Variants in COMMD1 observed in about 807,000 individuals in gnomAD.
The protein encoded by COMMD1 is copper metabolism domain containing 1, also known as COMM domain-containing protein 1.
A neutral mutation model predicts 17.2 loss-of-function variants in COMMD1; 10 were observed. The ratio of observed to expected loss-of-function variants is 0.58; its 90% CI spans 0.36 to 0.99. The LOEUF (loss-of-function observed/expected upper bound fraction) is 0.99, where lower values mean the gene tolerates loss of function less well. Ranked by LOEUF, COMMD1 falls within the 50% of genes least tolerant of loss-of-function variation. COMMD1 has a pLI of 0.01. For synonymous variants in COMMD1, 97 were observed against 91.6 expected (o/e 1.06, Z -0.34); for missense variants, 270 against 231.8 (o/e 1.17, Z -1.07).
intron 2 of COMMD1, among the ~76,000 whole-genome samples, chr2:62,031,653 A>T (rs960340134): frequency 1.3e-5 from 2 of 152,214 alleles, no homozygotes; most frequent in African/African-American, 2.4e-5. Context: ...TGTTTATGTT[A>T]AAGTAAATTT....
At chr2:61,896,345 G>A (rs532221526) in intron 1 of COMMD1, among the ~76,000 whole-genome samples, 68 of 152,226 alleles carry the variant, frequency 4.5e-4, no homozygotes, top group Middle Eastern at 3.4e-3. Flanking sequence ...CAGCACTTTG[G>A]GAGGCTGAGG....
intron 2 of COMMD1, among the ~76,000 whole-genome samples, chr2:62,033,081 T>G (rs1669952701): frequency 6.6e-6 from 1 of 152,206 alleles, no homozygotes; most frequent in African/African-American, 2.4e-5. Flanking sequence ...GTTTAGCTTC[T>G]TTAAAACAGA....
chr2:61,962,378 C>G (rs1373510765), intron 1 of COMMD1, among the ~76,000 whole-genome samples: 2 of 152,064 alleles, frequency 1.3e-5, no homozygotes, highest in African/African-American at 4.8e-5. Flanking sequence ...TGACACTAGG[C>G]CCCTCAGATC....
chr2:62,062,473 T>C (rs1374796944), intron 2 of COMMD1, among the ~76,000 whole-genome samples: 1 of 151,872 alleles, frequency 6.6e-6, no homozygotes, highest in Non-Finnish European at 1.5e-5. Flanking sequence ...GGTGATCCAC[T>C]CAGCTCGGCC....
At chr2:61,993,989 CTTCTTTCT>C (rs953377911) in intron 1 of COMMD1, among the ~76,000 whole-genome samples, 1 of 150,028 alleles carries the variant, frequency 6.7e-6, no homozygotes, top group Non-Finnish European at 1.5e-5. Flanking sequence ...TCCTTCTTTC[CTTCTTTCT>C]TTCTTTCTTG....
At chr2:61,958,894 T>C (rs1178625259) in intron 1 of COMMD1, among the ~76,000 whole-genome samples, 2 of 152,222 alleles carry the variant, frequency 1.3e-5, no homozygotes, top group Non-Finnish European at 2.9e-5. Context: ...GTTCGTGCTT[T>C]TGTACAGTTT....
intron 2 of COMMD1, among the ~76,000 whole-genome samples, chr2:62,107,028 G>A (rs1672341001): frequency 6.6e-6 from 1 of 152,058 alleles, no homozygotes; most frequent in South Asian, 2.1e-4. Context: ...TGGTCTTCCT[G>A]CTTCTGATCT....
intron 1 of COMMD1, among the ~76,000 whole-genome samples, chr2:61,935,390 A>ACCC (rs1670578204): frequency 6.6e-6 from 1 of 152,146 alleles, no homozygotes; most frequent in South Asian, 2.1e-4. Context: ...GCACTTTGGG[A>ACCC]GGCTGAGGCG....
chr2:62,102,606 T>C (rs563324597), intron 2 of COMMD1, among the ~76,000 whole-genome samples: 102 of 152,270 alleles, frequency 6.7e-4, no homozygotes, highest in Non-Finnish European at 1.0e-3. Flanking sequence ...CTCTCCTGTC[T>C]CTCAGTCTCA....
upstream of COMMD1, among the ~76,000 whole-genome samples, chr2:61,904,114 C>T (rs1206842913): frequency 1.3e-5 from 2 of 151,450 alleles, no homozygotes; most frequent in African/African-American, 4.9e-5. Flanking sequence ...AGGTTCATGC[C>T]ATTCTCCTGC....
At chr2:61,910,409 A>G (rs1669874940) in intron 1 of COMMD1, among the ~76,000 whole-genome samples, 1 of 151,832 alleles carries the variant, frequency 6.6e-6, no homozygotes, top group Admixed American at 6.6e-5. Context: ...CACCACACCC[A>G]GCTAATTTTT....
chr2:62,022,040 G>C (rs532804617), intron 2 of COMMD1, among the ~76,000 whole-genome samples: 10 of 152,026 alleles, frequency 6.6e-5, no homozygotes, highest in Non-Finnish European at 1.0e-4. Context: ...AGAATCCATT[G>C]CCAAATCTGA....
At chr2:62,039,430 T>C (rs1016770412) in intron 2 of COMMD1, among the ~76,000 whole-genome samples, 4 of 152,150 alleles carry the variant, frequency 2.6e-5, no homozygotes, top group Admixed American at 2.6e-4. Flanking sequence ...CTTTGAGGAG[T>C]TGATTAGCAA....
upstream of COMMD1, among the ~76,000 whole-genome samples, chr2:61,901,034 C>T (rs940273700): frequency 2.0e-5 from 3 of 152,044 alleles, no homozygotes; most frequent in African/African-American, 4.8e-5. Context: ...GCAACCTCCA[C>T]CTCCTGGGTT....
At chr2:61,900,512 T>C (rs1287463416) in intron 1 of COMMD1, among the ~76,000 whole-genome samples, 1 of 152,248 alleles carries the variant, frequency 6.6e-6, no homozygotes, top group Non-Finnish European at 1.5e-5. Flanking sequence ...GGTCTTTCTA[T>C]AATTTGGTAT....
At chr2:61,990,899 T>TAC (rs1229251159) in intron 1 of COMMD1, among the ~76,000 whole-genome samples, 1 of 69,294 alleles carries the variant, frequency 1.4e-5, no homozygotes, top group South Asian at 6.4e-4. Flanking sequence ...AAAATATATA[T>TAC]ATATACACAC....
intron 1 of COMMD1, among the ~76,000 whole-genome samples, chr2:61,914,795 A>G (rs911075520): frequency 6.6e-6 from 1 of 151,064 alleles, no homozygotes. Flanking sequence ...GGTTCAAGCG[A>G]TTCTCGTGTC....
intron 2 of COMMD1, among the ~76,000 whole-genome samples, chr2:62,082,178 C>T (rs1004972334): frequency 6.6e-6 from 1 of 152,164 alleles, no homozygotes; most frequent in Non-Finnish European, 1.5e-5. Context: ...GTATACATTT[C>T]TGATTTGTGA....
intron 2 of COMMD1, among the ~76,000 whole-genome samples, chr2:62,091,977 G>A (rs910971455): frequency 6.6e-6 from 1 of 152,170 alleles, no homozygotes; most frequent in Non-Finnish European, 1.5e-5. Context: ...GAATGGTGCT[G>A]TTCCATATAA....
Sources: allele counts gnomAD v4.1 joint callset (sites outside exome capture counted in the v4.1 genomes callset), GRCh38; gene constraint gnomAD v4.1.1; transcripts MANE v1.5; gene names NCBI Gene and HGNC (gene_info 2026-07-23, HGNC 2026-07-21).